DLEC1: variants seen among roughly 807,000 people sequenced by gnomAD.
DLEC1 encodes the protein deleted in lung and esophageal cancer protein 1.
DLEC1 carries 146 observed loss-of-function variants against 198.1 expected under a neutral mutation model. The observed-to-expected ratio is 0.74, with a 90% CI of 0.64 to 0.85. The LOEUF is 0.85. DLEC1 is among the 40% of genes least tolerant of loss of function. DLEC1 has a pLI of 0.00. For missense variants in DLEC1, 2,233 were observed against 2,220.0 expected (o/e 1.01, Z -0.12); for synonymous variants, 897 against 866.8 (o/e 1.03, Z -0.61).
At chr3:38,117,778 C>T (rs1559466668) in intron 32 of DLEC1, 28 bp from the exon 33 acceptor site, 3 of 1,613,432 alleles carry the variant, frequency 1.9e-6, no homozygotes, top group South Asian at 1.1e-5. Flanking sequence ...AGATGCATTC[C>T]CTGCCTCCTA....
intron 14 of DLEC1, among the ~76,000 whole-genome samples, 156 bp downstream of exon 14, chr3:38,096,102 C>T (rs1489890638): frequency 6.6e-6 from 1 of 152,174 alleles, no homozygotes; most frequent in East Asian, 1.9e-4. Flanking sequence ...GCCCTGGCAA[C>T]CCAGCCCTGC....
intron 19 of DLEC1, chr3:38,103,188 T>C (rs925828819): frequency 3.9e-5 from 6 of 152,264 alleles, no homozygotes; most frequent in African/African-American, 1.4e-4. Flanking sequence ...CCAATCTCTA[T>C]GTCCATATGT....
At chr3:38,084,278 AGTG>A (rs753215703) in intron 7 of DLEC1, 33 bp downstream of exon 7, 2 of 1,573,076 alleles carry the variant, frequency 1.3e-6, no homozygotes, top group South Asian at 2.2e-5. Context: ...CATTAGTAGT[AGTG>A]GTAATAGTAG....
chr3:38,110,072 C>T (rs1246239381), intron 22 of DLEC1, 27 bp from the exon 23 acceptor site: 1 of 1,611,522 alleles, frequency 6.2e-7, no homozygotes, highest in East Asian at 2.2e-5. Context: ...TTACATAGTA[C>T]CAATGGGCAC....
rs368500201 is a variant in DLEC1, at chr3:38,110,179, G to T, written c.3341G>T (p.Arg1114Leu). The T allele has an allele frequency of 4.3e-6, 7 of 1,614,072 alleles. No homozygotes were observed. In the East Asian group the frequency reaches 1.3e-4, roughly 31 times the overall value. Reference protein sequence around the residue: ...SAVPLRTRVTRQLILTNRSPI... With the variant: ...SAVPLRTRVTLQLILTNRSPI... ...GTGCCACTGAGGACCCGTGTGACTC[G>T]CCAGCTCATTCTCACCAATCGCTCC... The change falls in exon 23 of 37, where the codon CGC becomes CTC. Residue 1114 changes from arginine (R) to leucine (L), a missense_variant. By Grantham distance (102) the Arg-to-Leu change is moderately radical (BLOSUM62 -2). Coordinates refer to ENST00000308059, the MANE Select transcript of DLEC1 (RefSeq NM_007335.4).
intron 2 of DLEC1, among the ~76,000 whole-genome samples, chr3:38,059,458 C>T (rs1486693263): frequency 6.6e-6 from 1 of 151,890 alleles, no homozygotes; most frequent in Non-Finnish European, 1.5e-5. Flanking sequence ...GAACTGGGAC[C>T]TTTTATTCAA....
chr3:38,095,915 A>G lies in DLEC1; in HGVS notation c.2140A>G (p.Met714Val), dbSNP rs776938063. 3 of 1,613,676 alleles carry G rather than the reference A, an allele frequency of 1.9e-6. No homozygotes were observed. Among genetic ancestry groups the G allele is most frequent in the Admixed American group, 3.3e-5 (2 of 59,994 alleles). Residue 714 changes from methionine (M) to valine (V), a missense_variant, in exon 14 of 37, where the codon ATG (methionine) becomes GTG (valine). By Grantham distance (21) the Met-to-Val change is conservative. Coordinates refer to ENST00000308059, the MANE Select transcript of DLEC1 (RefSeq NM_007335.4). The part of the protein sequence containing the change: ...ELRDFHSVLQ[M>V]VLEEVPEPVS... ...GAGGGATTTTCACAGTGTGCTCCAG[A>G]TGGTGCTAGAGGAAGTCCCAGAGCC...
In DLEC1 at chr3:38,123,183, G is replaced by C; in HGVS notation, c.*771G>C. On this transcript the variant is annotated 3_prime_UTR_variant, in exon 37 of 37. Coordinates refer to ENST00000308059, the MANE Select transcript of DLEC1 (RefSeq NM_007335.4). ...ACCCACCAAATTACCTCCAGACCAG[G>C]CTGACCCAGAAGGACGTCATGGACA... is the stretch of plus-strand genomic sequence containing the variant. 6.5e-7 allele frequency: 1 copy of C among 1,529,542 alleles called. No homozygotes were observed. Among genetic ancestry groups the C allele is most frequent in the Non-Finnish European group, 9.1e-7 (1 of 1,103,968 alleles). The allele number at this position is 1,529,542 out of a possible 1,614,324, so 94.7% of individuals were successfully genotyped here. A position where few individuals can be genotyped will look rare whatever the true frequency, so the allele number is the denominator to read the frequency against.
intron 23 of DLEC1, 77 bp downstream of exon 23, chr3:38,110,358 A>G: frequency 6.4e-7 from 1 of 1,552,752 alleles, no homozygotes; most frequent in Non-Finnish European, 8.8e-7. Flanking sequence ...TGTGTGGCTT[A>G]GGTGGCCAGT....
intron 2 of DLEC1, among the ~76,000 whole-genome samples, chr3:38,054,571 G>C (rs1020497076): frequency 1.3e-5 from 2 of 152,234 alleles, no homozygotes; most frequent in African/African-American, 4.8e-5. Context: ...TGCATGCTGA[G>C]GTTGGAGAAC....
At chr3:38,111,326 T>A (rs1397063275) in intron 23 of DLEC1, among the ~76,000 whole-genome samples, 1 of 152,228 alleles carries the variant, frequency 6.6e-6, no homozygotes, top group Non-Finnish European at 1.5e-5. Flanking sequence ...TGCAGAATTC[T>A]GGGCTAGAGA....
chr3:38,061,089 T>C (rs958803016), intron 3 of DLEC1, among the ~76,000 whole-genome samples: 1 of 152,214 alleles, frequency 6.6e-6, no homozygotes, highest in Non-Finnish European at 1.5e-5. Context: ...TGCTAAGAGA[T>C]TTGTGATGGT....
At chr3:38,093,871 T>A in intron 12 of DLEC1, 104 bp downstream of exon 12, 2 of 1,448,406 alleles carry the variant, frequency 1.4e-6, no homozygotes, top group Non-Finnish European at 1.9e-6. Flanking sequence ...TGGGGAAGAC[T>A]GGGCACAGAA....
In DLEC1 at chr3:38,062,594, C is replaced by G. The variant is rs748987600; in HGVS notation, c.887C>G (p.Pro296Arg). Reference sequence around the variant, plus strand: ...TATGTTTCAAAGAAAGCAAGTCAACCAAGGAATAAAAACTGGATGAACCAC... The same window carrying G: ...TATGTTTCAAAGAAAGCAAGTCAACGAAGGAATAAAAACTGGATGAACCAC... ...TREPLKKASQ[P>R]RNKNWMNHLR... is the part of the protein sequence containing the mutation. Residue 296 changes from proline to arginine, a missense_variant, in exon 5 of 37, where the codon CCA (proline) becomes CGA (arginine). Transcript: ENST00000308059. 5.6e-6 allele frequency: 9 copies of G among 1,613,980 alleles called. No homozygotes were observed. The African/African-American group carries it at 1.2e-4, about 22-fold the overall frequency.
At position 38,080,650 on chromosome 3, in the gene DLEC1, G is replaced by A. The variant is rs554750497; in HGVS notation, c.1174-3508G>A. Among the ~76,000 whole-genome samples the A allele has an allele frequency of 6.6e-5, 10 of 152,196 alleles. No individual in the cohort carries two copies. The South Asian group carries it at 1.9e-3, about 28-fold the overall frequency. On this transcript the variant is annotated intron_variant, in intron 6 of 36. Transcript: ENST00000308059. ...AAGAAAACAAGGCATTTAGGTTTTA[G>A]GTCAGGTGTGAGTTGAAGAGCTTTT... is the stretch of plus-strand genomic sequence containing the variant.
intron 2 of DLEC1, among the ~76,000 whole-genome samples, chr3:38,058,389 G>GGGAC (rs1291850306): frequency 2.0e-5 from 3 of 152,160 alleles, no homozygotes; most frequent in Non-Finnish European, 4.4e-5. Context: ...TTGCTCTTGA[G>GGGAC]TGTGTCTGCA....
rs775432505 is a variant in DLEC1, at chr3:38,117,569, G to A, written c.4443G>A (p.Gln1481=). 9 of 1,614,054 alleles carry A rather than the reference G, an allele frequency of 5.6e-6. No homozygotes were observed. Among genetic ancestry groups the A allele is most frequent in the Non-Finnish European group, 7.6e-6 (9 of 1,180,006 alleles). Residue 1481 remains glutamine, a synonymous_variant, in exon 32 of 37, where the codon CAG becomes CAA. Transcript: ENST00000308059. The part of the protein sequence containing the change: ...ELDYGGSMEF[Q]CQASDLIPEQ... ...ACTACGGCGGCAGTATGGAATTCCA[G>A]TGCCAGGCCAGTGACCTCATTCCCG... is the stretch of plus-strand genomic sequence containing the variant.
chr3:38,110,390 GGAGT>G, intron 23 of DLEC1, 109 bp downstream of exon 23: 1 of 1,329,120 alleles, frequency 7.5e-7, no homozygotes, highest in Non-Finnish European at 1.0e-6. Flanking sequence ...GTGAGAGATG[GGAGT>G]GTGTGTTTTT....
intron 10 of DLEC1, among the ~76,000 whole-genome samples, chr3:38,091,892 C>T (rs11919110): frequency 0.067 from 10,228 of 151,972 alleles, 450 homozygotes; most frequent in Middle Eastern, 0.12. Flanking sequence ...AATCCTTGCC[C>T]GCTGTTGATG....
Sources: gnomAD v4.1 joint callset for allele counts (sites outside exome capture counted in the v4.1 genomes callset) on GRCh38, gnomAD v4.1.1 for gene constraint, MANE v1.5 for transcripts, NCBI Gene and HGNC (gene_info 2026-07-23, HGNC 2026-07-21) for gene names.